Variants in OGDH observed in about 807,000 individuals in gnomAD.
OGDH encodes oxoglutarate dehydrogenase.
In OGDH, 38 loss-of-function variants were observed where a neutral mutation model predicts 116.6. The observed-to-expected ratio is 0.33, with a 90% CI of 0.25 to 0.43. OGDH has a LOEUF of 0.43. Among genes scored for constraint, OGDH ranks in the 20% least tolerant of loss-of-function variants. The pLI is 1.00. For missense variants in OGDH, 825 were observed against 1,357.2 expected, an observed-to-expected ratio of 0.61 and a Z score of 6.16; for synonymous variants, 488 against 533.3, an observed-to-expected ratio of 0.92 and a Z score of 1.17.
chr7:44,700,337 C>G (rs1788772605), intron 19 of OGDH, 68 bp downstream of exon 19: 2 of 1,581,256 alleles, frequency 1.3e-6, no homozygotes, highest in African/African-American at 1.3e-5. Context: ...GGAAGGGCTC[C>G]TCAGAGAGCC....
intron 4 of OGDH, among the ~76,000 whole-genome samples, chr7:44,651,655 G>A (rs916098128): frequency 5.3e-5 from 8 of 151,860 alleles, no homozygotes; most frequent in South Asian, 2.1e-4. Context: ...TCCGCCTCCC[G>A]GGTTCAAGTG....
chr7:44,680,559 C>G (rs1264464921), intron 9 of OGDH, among the ~76,000 whole-genome samples: 1 of 151,832 alleles, frequency 6.6e-6, no homozygotes, highest in Non-Finnish European at 1.5e-5. Context: ...CACACACACA[C>G]ACACACACAC....
At chr7:44,615,712 G>C (rs1284085178) in intron 1 of OGDH, among the ~76,000 whole-genome samples, 2 of 152,078 alleles carry the variant, frequency 1.3e-5, no homozygotes, top group Admixed American at 6.6e-5. Flanking sequence ...GAGTACCCAG[G>C]TCTGAAACAC....
At chr7:44,645,088 A>T (rs1373595422) in intron 2 of OGDH, among the ~76,000 whole-genome samples, 3 of 152,164 alleles carry the variant, frequency 2.0e-5, no homozygotes, top group Non-Finnish European at 4.4e-5. Flanking sequence ...CATCTGTGTT[A>T]TAGCTGTGGG....
chr7:44,659,920 A>G (rs1035626762), intron 4 of OGDH, among the ~76,000 whole-genome samples: 1 of 152,014 alleles, frequency 6.6e-6, no homozygotes, highest in Non-Finnish European at 1.5e-5. Flanking sequence ...GCTGTTTTCA[A>G]TTTCATTGAT....
At chr7:44,612,432 G>C (rs1784601045) in intron 1 of OGDH, among the ~76,000 whole-genome samples, 1 of 152,022 alleles carries the variant, frequency 6.6e-6, no homozygotes, top group African/African-American at 2.4e-5. Context: ...GCCCAGGCTG[G>C]AGTGCAATGG....
chr7:44,676,357 A>G, intron 9 of OGDH: 1 of 1,061,278 alleles, frequency 9.4e-7, no homozygotes, highest in East Asian at 2.7e-5. Context: ...GGAGTTGGAG[A>G]CCAGCCTGAC....
intron 19 of OGDH, among the ~76,000 whole-genome samples, chr7:44,700,770 T>C (rs1266793182): frequency 6.6e-6 from 1 of 152,100 alleles, no homozygotes; most frequent in Non-Finnish European, 1.5e-5. Context: ...CCCAGCACTT[T>C]GTGAGGCCGA....
chr7:44,689,814 G>A (rs116749328), intron 10 of OGDH, among the ~76,000 whole-genome samples: 49 of 152,238 alleles, frequency 3.2e-4, no homozygotes, highest in African/African-American at 1.0e-3. Context: ...CCATGTATCC[G>A]ATGATTTGCA....
rs557083083 is a variant in OGDH at position 44,640,766 on chromosome 7, TGTG to T, written c.223-4559_223-4557del. Among the ~76,000 whole-genome samples, 23 of 152,266 alleles carry T rather than the reference TGTG, an allele frequency of 1.5e-4. No individual in the cohort carries two copies. The East Asian group carries it at 2.5e-3, about 17-fold the overall frequency. On this transcript the variant is annotated intron_variant, in intron 2 of 22. Coordinates refer to ENST00000222673, the MANE Select transcript of OGDH (RefSeq NM_002541.4). ...GGTCATGCCCTATCCATGAACCTGT[TGTG>T]GCCCCAGGGAACTAAGTAAGTGTCT...
At chr7:44,680,662 G>A (rs1787892676) in intron 9 of OGDH, among the ~76,000 whole-genome samples, 1 of 152,046 alleles carries the variant, frequency 6.6e-6, no homozygotes. Context: ...TGATATCCTG[G>A]CAGTGATGAG....
At chr7:44,667,613 T>TTC (rs1418658959) in intron 5 of OGDH, among the ~76,000 whole-genome samples, 4 of 152,030 alleles carry the variant, frequency 2.6e-5, no homozygotes, top group Non-Finnish European at 5.9e-5. Context: ...TGGCTAAGAG[T>TTC]TGTGGCTCTG....
At chr7:44,645,651 C>G (rs1442737794) in intron 3 of OGDH, 133 bp downstream of exon 3, 2 of 848,064 alleles carry the variant, frequency 2.4e-6, no homozygotes, top group African/African-American at 3.4e-5. Flanking sequence ...GGTGCTTTCT[C>G]CCTGCTTTGG....
Position 44,694,058 on chromosome 7 carries a change from T to C in OGDH, c.1515+54T>C. On this transcript the variant is annotated intron_variant, in intron 11 of 22. Coordinates refer to ENST00000222673, the MANE Select transcript of OGDH (RefSeq NM_002541.4). The surrounding 1 kb of genome is among the most constrained non-coding windows in gnomAD (Gnocchi z 4.2). ...GGGCAGAGCATCTGACCCACCCCTC[T>C]TGCCCTCGGCACCCCTGTGTCCCAA... 1 of 1,543,940 alleles carries C rather than the reference T, an allele frequency of 6.5e-7. No homozygotes were observed. Among genetic ancestry groups the C allele is most frequent in the Non-Finnish European group, 8.8e-7 (1 of 1,135,918 alleles).
At chr7:44,616,875 A>G (rs1450147862) in intron 1 of OGDH, among the ~76,000 whole-genome samples, 7 of 31,508 alleles carry the variant, frequency 2.2e-4, no homozygotes, top group Non-Finnish European at 4.1e-4. Flanking sequence ...ATATATACGT[A>G]TATATATATG....
chr7:44,699,878 G>C (rs1304175544), intron 18 of OGDH, among the ~76,000 whole-genome samples: 1 of 152,140 alleles, frequency 6.6e-6, no homozygotes, highest in Admixed American at 6.5e-5. Context: ...AGGAGTAAGA[G>C]AGTGGGGGAG....
chr7:44,685,067 T>C (rs1204834686), intron 10 of OGDH, among the ~76,000 whole-genome samples: 1 of 152,216 alleles, frequency 6.6e-6, no homozygotes, highest in Non-Finnish European at 1.5e-5. Context: ...ATTACAGGCA[T>C]GAGCCACCGC....
intron 4 of OGDH, among the ~76,000 whole-genome samples, chr7:44,658,848 T>G (rs1030386546): frequency 2.5e-4 from 38 of 152,170 alleles, no homozygotes; most frequent in Non-Finnish European, 4.9e-4. Flanking sequence ...ATTATTATTA[T>G]TTTTTGAGAC....
intron 1 of OGDH, among the ~76,000 whole-genome samples, chr7:44,609,888 T>C (rs970595489): frequency 6.6e-6 from 1 of 152,210 alleles, no homozygotes; most frequent in South Asian, 2.1e-4. Flanking sequence ...TTCCAATAAA[T>C]GTGTAGTAAT....
Sources: gnomAD v4.1 joint callset for allele counts (sites outside exome capture counted in the v4.1 genomes callset) on GRCh38, gnomAD v4.1.1 for gene constraint, Gnocchi (gnomAD v3.1) non-coding constraint, MANE v1.5 for transcripts, NCBI Gene and HGNC (gene_info 2026-07-23, HGNC 2026-07-21) for gene names.